The following JPT2 variants were observed in gnomAD, a reference collection of about 807,000 sequenced individuals.
JPT2 encodes the protein Jupiter microtubule associated homolog 2.
JPT2 carries 9 observed loss-of-function variants against 15.9 expected under a neutral mutation model. That is an observed-to-expected ratio of 0.57 (90% CI 0.34 to 0.99). The LOEUF is 0.99. Among genes scored for constraint, JPT2 ranks in the 50% least tolerant of loss-of-function variants. The pLI is 0.02. For synonymous variants in JPT2, 95 were observed against 91.7 expected (o/e 1.04, Z -0.21); for missense variants, 267 against 252.1 (o/e 1.06, Z -0.40).
chr16:1,699,266 G>A lies in JPT2; in HGVS notation c.*268G>A, dbSNP rs1419568717. 1.7e-6 allele frequency: 1 copy of A among 597,104 alleles called. No individual in the cohort carries two copies. The highest frequency in any genetic ancestry group is 3.1e-6 in the Non-Finnish European group (1 of 318,306). The allele number at this position is 597,104 out of a possible 1,614,324, so 37.0% of individuals were successfully genotyped here. ...GTTTGAGAGGAACTGGAAGGGGGGT[G>A]AGGGTGGGGAGGTGGGGCAGGGCAT... On this transcript the variant is annotated 3_prime_UTR_variant, in exon 5 of 5. Transcript: ENST00000248098.
intron 1 of JPT2, chr16:1,683,502 C>G (rs912164957): frequency 2.5e-5 from 38 of 1,526,460 alleles, no homozygotes; most frequent in Non-Finnish European, 3.2e-5. Context: ...CTCCTCAAAT[C>G]CTCCAGGAAA....
chr16:1,692,617 C>G (rs1476805816), intron 3 of JPT2: 3 of 153,868 alleles, frequency 1.9e-5, no homozygotes, highest in Non-Finnish European at 4.4e-5. Context: ...CCAGTCTCGG[C>G]TTTCGTGAGG....
At chr16:1,683,960 A>C (rs1209802945) in intron 1 of JPT2, among the ~76,000 whole-genome samples, 1 of 152,226 alleles carries the variant, frequency 6.6e-6, no homozygotes, top group Non-Finnish European at 1.5e-5. Flanking sequence ...CTTGATATAA[A>C]GTGGTGTAAT....
rs567813739 is a variant in JPT2 at position 1,701,808 on chromosome 16, G to A, written c.*2810G>A. On this transcript the variant is annotated 3_prime_UTR_variant, in exon 5 of 5. Transcript: ENST00000248098. ...CTTTGGGTCTTTGGGAGGCCAGGGT[G>A]GGAGGATCACTTGAGCTCAGGAGTT... The A allele has an allele frequency of 3.1e-5, 6 of 196,512 alleles. No individual in the cohort carries two copies. Among genetic ancestry groups the A allele is most frequent in the African/African-American group, 1.4e-4 (6 of 43,578 alleles). 12.2% of individuals were successfully genotyped at this position (196,512 alleles called of 1,614,324 possible).
chr16:1,680,775 G>C (rs1020319896), intron 1 of JPT2, among the ~76,000 whole-genome samples: 1 of 152,272 alleles, frequency 6.6e-6, no homozygotes, highest in East Asian at 1.9e-4. Context: ...CTTCAAGCTG[G>C]AACATTTCTA....
rs2036991239 is a variant in JPT2, at chr16:1,678,446, TTGGGG to T, written c.44+97_44+101del. The T allele has an allele frequency of 7.9e-6, 9 of 1,132,768 alleles. 1 individual carries two copies. The highest frequency in any genetic ancestry group is 9.9e-6 in the Non-Finnish European group (9 of 909,212). The allele number at this position is 1,132,768 out of a possible 1,614,324, so 70.2% of individuals were successfully genotyped here. On this transcript the variant is annotated intron_variant, in intron 1 of 4. Coordinates refer to ENST00000248098, the MANE Select transcript of JPT2 (RefSeq NM_144570.3). ...CAGGGCGTCCACCAGCCGTGTGGGGTTGGGGTGGGGTTGGGGGGCAGGGCGACCTC... is the reference window on the plus strand; with the variant it reads ...CAGGGCGTCCACCAGCCGTGTGGGGTTGGGGTTGGGGGGCAGGGCGACCTC...
Position 1,699,216 on chromosome 16 carries a change from T to A in JPT2, c.*218T>A, listed in dbSNP as rs1178027659. The A allele has an allele frequency of 1.6e-6, 1 of 623,892 alleles. No homozygotes were observed. The highest frequency in any genetic ancestry group is 2.1e-5 in the Admixed American group (1 of 47,338). The allele number at this position is 623,892 out of a possible 1,614,324, so 38.6% of individuals were successfully genotyped here. On this transcript the variant is annotated 3_prime_UTR_variant, in exon 5 of 5. Transcript: ENST00000248098. Reference sequence around the variant, plus strand: ...CTGTGGGGATGAAATGGGGCACCCCTGGCCATCACTCATGTGTAGTCCAGG... The same window carrying A: ...CTGTGGGGATGAAATGGGGCACCCCAGGCCATCACTCATGTGTAGTCCAGG...
chr16:1,681,738 A>G (rs976464210), intron 1 of JPT2, among the ~76,000 whole-genome samples: 6 of 152,166 alleles, frequency 3.9e-5, no homozygotes, highest in African/African-American at 1.4e-4. Flanking sequence ...TGCCAATGAT[A>G]GGTGCTCGAG....
At chr16:1,678,668 G>T (rs1174633633) in intron 1 of JPT2, among the ~76,000 whole-genome samples, 5 of 152,172 alleles carry the variant, frequency 3.3e-5, no homozygotes, top group African/African-American at 1.2e-4. Context: ...GCGCCTGGGC[G>T]CCCGCGTTCC....
rs2037158941 is a variant in JPT2 at position 1,698,574 on chromosome 16, A to G, written c.386-237A>G. ...GAAACAATTCACTTAGGAAGAAATC[A>G]AGGAGTATTTACAGTAGCAAGCCCC... is the stretch of plus-strand genomic sequence containing the variant. On this transcript the variant is annotated intron_variant, in intron 4 of 4. Transcript: ENST00000248098. The surrounding 1 kb of genome is among the most constrained non-coding windows in gnomAD (Gnocchi z 4.9). Among the ~76,000 whole-genome samples the G allele has an allele frequency of 6.6e-6, 1 of 152,236 alleles. No homozygotes were observed. The highest frequency in any genetic ancestry group is 1.5e-5 in the Non-Finnish European group (1 of 68,040).
rs1443378301 is a variant in JPT2 at position 1,700,864 on chromosome 16, C to G, written c.*1866C>G. The G allele has an allele frequency of 6.6e-6, 1 of 152,224 alleles. No individual in the cohort carries two copies. Among genetic ancestry groups the G allele is most frequent in the Non-Finnish European group, 1.5e-5 (1 of 68,052 alleles). 9.4% of individuals were successfully genotyped at this position (152,224 alleles called of 1,614,324 possible). On this transcript the variant is annotated 3_prime_UTR_variant, in exon 5 of 5. Coordinates refer to ENST00000248098, the MANE Select transcript of JPT2 (RefSeq NM_144570.3). Reference sequence around the variant, plus strand: ...TGATTCTCCCAGCCCTTGCAGTCCGCTAGGTGAGAGGAAAAGCTCTTTACT... The same window carrying G: ...TGATTCTCCCAGCCCTTGCAGTCCGGTAGGTGAGAGGAAAAGCTCTTTACT...
At chr16:1,687,282 C>T (rs2037073719) in intron 2 of JPT2, among the ~76,000 whole-genome samples, 1 of 152,090 alleles carries the variant, frequency 6.6e-6, no homozygotes, top group South Asian at 2.1e-4. Context: ...CCCTTGTGCC[C>T]GGCCGAAGCT....
chr16:1,691,655 G>A (rs963466255), intron 2 of JPT2, among the ~76,000 whole-genome samples, 188 bp from the exon 3 acceptor site: 1 of 152,090 alleles, frequency 6.6e-6, no homozygotes, highest in Non-Finnish European at 1.5e-5. Flanking sequence ...CCCTGATCCA[G>A]CCATGGTTTT....
In JPT2 at chr16:1,701,898, C is replaced by T. The variant is rs1466041285; in HGVS notation, c.*2900C>T. 2.7e-5 allele frequency: 8 copies of T among 297,276 alleles called. No individual in the cohort carries two copies. The highest frequency in any genetic ancestry group is 7.9e-5 in the Admixed American group (2 of 25,290). The allele number at this position is 297,276 out of a possible 1,614,324, so 18.4% of individuals were successfully genotyped here. ...CAAAAAAAAACTTCTCTAAATTAGCCGGATGTGGTGGTGCATGCCTGTAGT... is the reference window on the plus strand; with the variant it reads ...CAAAAAAAAACTTCTCTAAATTAGCTGGATGTGGTGGTGCATGCCTGTAGT... On this transcript the variant is annotated 3_prime_UTR_variant, in exon 5 of 5. Coordinates refer to ENST00000248098, the MANE Select transcript of JPT2 (RefSeq NM_144570.3).
At chr16:1,695,196 G>A (rs188413041) in intron 3 of JPT2, among the ~76,000 whole-genome samples, 13 of 151,720 alleles carry the variant, frequency 8.6e-5, no homozygotes, top group Admixed American at 5.2e-4. Context: ...ACCTGAGGCC[G>A]GGAGTTCGAG....
chr16:1,685,783 A>G (rs2037060439), intron 2 of JPT2, 196 bp downstream of exon 2: 4 of 568,040 alleles, frequency 7.0e-6, no homozygotes, highest in African/African-American at 4.1e-5. Context: ...TGAATTCTCC[A>G]TCTGTTCTGG....
chr16:1,693,294 A>C (rs2037117070), intron 3 of JPT2, among the ~76,000 whole-genome samples: 1 of 152,134 alleles, frequency 6.6e-6, no homozygotes, highest in Non-Finnish European at 1.5e-5. Flanking sequence ...ACAGGGTTTC[A>C]CCATGTTGGC....
chr16:1,687,691 C>T (rs1215928997), intron 2 of JPT2, among the ~76,000 whole-genome samples: 1 of 152,198 alleles, frequency 6.6e-6, no homozygotes, highest in Non-Finnish European at 1.5e-5. Flanking sequence ...CATCATGGCT[C>T]CCCATGCCAG....
rs1459266935 is a variant in JPT2, at chr16:1,697,825, T to TA, written c.351dup (p.Cys118MetfsTer2). The stretch of plus-strand genomic sequence containing the variant: ...GCCTTGTTGCAGGATCATGTTTTCT[T>TA]ATGTGAAGGAGAAGAACCAAAATCG... On this transcript the variant is annotated frameshift_variant, in exon 4 of 5. Coordinates refer to ENST00000248098, the MANE Select transcript of JPT2 (RefSeq NM_144570.3). LOFTEE classifies it low-confidence loss of function (END_TRUNC). The TA allele has an allele frequency of 6.2e-7, 1 of 1,614,116 alleles. No individual in the cohort carries two copies. Among genetic ancestry groups the TA allele is most frequent in the Non-Finnish European group, 8.5e-7 (1 of 1,180,004 alleles).
Sources: gnomAD v4.1 joint callset for allele counts (sites outside exome capture counted in the v4.1 genomes callset) on GRCh38, gnomAD v4.1.1 for gene constraint, Gnocchi (gnomAD v3.1) non-coding constraint, MANE v1.5 for transcripts, NCBI Gene and HGNC (gene_info 2026-07-23, HGNC 2026-07-21) for gene names.